ASB8: variants seen among roughly 807,000 people sequenced by gnomAD.
The protein encoded by ASB8 is ankyrin repeat and SOCS box containing 8.
In ASB8, 15 loss-of-function variants were observed where a neutral mutation model predicts 22.9. That is an observed-to-expected ratio of 0.66 (90% CI 0.44 to 1.01). The LOEUF is 1.01. Among genes scored for constraint, ASB8 ranks in the 50% least tolerant of loss-of-function variants. The pLI, the probability that ASB8 is intolerant of heterozygous loss-of-function variation, is 0.00. For synonymous variants in ASB8, 124 were observed against 140.8 expected (o/e 0.88, Z 0.84); for missense variants, 294 against 356.9 (o/e 0.82, Z 1.42).
intron 1 of ASB8, among the ~76,000 whole-genome samples, chr12:48,156,284 T>C (rs1312266344): frequency 6.6e-6 from 1 of 152,248 alleles, no homozygotes; most frequent in Non-Finnish European, 1.5e-5. Flanking sequence ...CTTGTTTATA[T>C]GTCTCTATGA....
At chr12:48,152,335 T>G (rs988558926) in intron 2 of ASB8, among the ~76,000 whole-genome samples, 1 of 152,176 alleles carries the variant, frequency 6.6e-6, no homozygotes, top group Non-Finnish European at 1.5e-5. Flanking sequence ...CCAATAACTC[T>G]GAAGCAGCTA....
intron 2 of ASB8, 30 bp downstream of exon 2, chr12:48,153,338 G>A (rs531211168): frequency 1.2e-6 from 2 of 1,611,906 alleles, no homozygotes; most frequent in South Asian, 1.1e-5. Context: ...CATATCGCAA[G>A]GACTCTCCTG....
rs1237452788 is a variant in ASB8, at chr12:48,147,974, A to AT, written c.*1391dup. The AT allele has an allele frequency of 1.3e-5, 2 of 152,110 alleles. No individual in the cohort carries two copies. Among genetic ancestry groups the AT allele is most frequent in the African/African-American group, 2.4e-5 (1 of 41,428 alleles). 9.4% of individuals were successfully genotyped at this position (152,110 alleles called of 1,614,324 possible). Reference sequence around the variant, plus strand: ...TTTGCATACAAGTCATCTAAAATCAATAACAACTTGATCTAATTTAGAAAA... The same window carrying AT: ...TTTGCATACAAGTCATCTAAAATCAATTAACAACTTGATCTAATTTAGAAAA... On this transcript the variant is annotated 3_prime_UTR_variant, in exon 4 of 4. Transcript: ENST00000317697.
At chr12:48,155,678 T>C (rs1258343803) in intron 1 of ASB8, among the ~76,000 whole-genome samples, 1 of 141,732 alleles carries the variant, frequency 7.1e-6, no homozygotes, top group Non-Finnish European at 1.5e-5. Flanking sequence ...TGCAGTGAGC[T>C]GAGATCGCGC....
intron 1 of ASB8, among the ~76,000 whole-genome samples, chr12:48,154,095 G>A (rs1346190068): frequency 6.6e-6 from 1 of 152,216 alleles, no homozygotes; most frequent in Non-Finnish European, 1.5e-5. Context: ...ATTGTTATGT[G>A]TGAAAAGAGA....
At chr12:48,156,407 A>AT (rs1257280404) in intron 1 of ASB8, among the ~76,000 whole-genome samples, 3 of 152,160 alleles carry the variant, frequency 2.0e-5, no homozygotes, top group Admixed American at 6.6e-5. Flanking sequence ...GGAAAAAAAA[A>AT]GACAAGTGCA....
rs562513313 is a variant in ASB8 at position 48,157,472 on chromosome 12, T to A, written c.-47A>T. 1 of 151,936 alleles carries A rather than the reference T, an allele frequency of 6.6e-6. No homozygotes were observed. Among genetic ancestry groups the A allele is most frequent in the South Asian group, 2.1e-4 (1 of 4,834 alleles). 9.4% of individuals were successfully genotyped at this position (151,936 alleles called of 1,614,324 possible). A position where few individuals can be genotyped will look rare whatever the true frequency, so the allele number is the denominator to read the frequency against. ...GACCGCACTCACCGAATTGCTGGGC[T>A]GAGGTGGGGGTTGAAAGCCGCTGTC... On this transcript the variant is annotated 5_prime_UTR_variant, in exon 1 of 4. Coordinates refer to ENST00000317697, the MANE Select transcript of ASB8 (RefSeq NM_024095.5).
chr12:48,156,113 A>T (rs1186793898), intron 1 of ASB8, among the ~76,000 whole-genome samples: 1 of 152,056 alleles, frequency 6.6e-6, no homozygotes, highest in East Asian at 1.9e-4. Flanking sequence ...CCCTTTATAT[A>T]TTATATACTA....
intron 1 of ASB8, 133 bp from the exon 2 acceptor site, chr12:48,153,662 A>C: frequency 4.6e-6 from 3 of 652,642 alleles, no homozygotes; most frequent in Non-Finnish European, 7.4e-6. Context: ...CATAATCATA[A>C]GGAATTGGAT....
chr12:48,156,456 A>G (rs1392803172), intron 1 of ASB8, among the ~76,000 whole-genome samples: 1 of 152,076 alleles, frequency 6.6e-6, no homozygotes, highest in Admixed American at 6.5e-5. Flanking sequence ...CAGAAGACAG[A>G]GCATCTAAAG....
Position 48,148,197 on chromosome 12 carries a change from GGGAAT to G in ASB8, c.*1164_*1168del, listed in dbSNP as rs1951131520. 6.6e-6 allele frequency: 1 copy of G among 152,226 alleles called. No homozygotes were observed. The highest frequency in any genetic ancestry group is 2.4e-5 in the African/African-American group (1 of 41,448). The allele number at this position is 152,226 out of a possible 1,614,324, so 9.4% of individuals were successfully genotyped here. A position where few individuals can be genotyped will look rare whatever the true frequency, so the allele number is the denominator to read the frequency against. The stretch of plus-strand genomic sequence containing the variant: ...AACTAAGCAGAGTGAACTTTCCATT[GGGAAT>G]GAAGACCCATGGGAAAAGGCAGCCC... On this transcript the variant is annotated 3_prime_UTR_variant, in exon 4 of 4. Transcript: ENST00000317697.
rs895017626 is a variant in ASB8, at chr12:48,148,972, T to C, written c.*394A>G. On this transcript the variant is annotated 3_prime_UTR_variant, in exon 4 of 4. Transcript: ENST00000317697. ...AGCCACCATGGCTGGCCTAAAATGC[T>C]TTCTAGAAGGGATTCTTCTGGACCG... 1 of 186,558 alleles carries C rather than the reference T, an allele frequency of 5.4e-6. No homozygotes were observed. The highest frequency in any genetic ancestry group is 2.4e-5 in the African/African-American group (1 of 41,934). The allele number at this position is 186,558 out of a possible 1,614,324, so 11.6% of individuals were successfully genotyped here. A position where few individuals can be genotyped will look rare whatever the true frequency, so the allele number is the denominator to read the frequency against.
Position 48,148,993 on chromosome 12 carries a change from G to A in ASB8, c.*373C>T, listed in dbSNP as rs1328963650. On this transcript the variant is annotated 3_prime_UTR_variant, in exon 4 of 4. Transcript: ENST00000317697. ...ATGCTTTCTAGAAGGGATTCTTCTG[G>A]ACCGTTAACCACGTCCCCAAAGGAA... The A allele has an allele frequency of 4.1e-6, 1 of 241,552 alleles. No homozygotes were observed. The highest frequency in any genetic ancestry group is 8.1e-6 in the Non-Finnish European group (1 of 123,284). The allele number at this position is 241,552 out of a possible 1,614,324, so 15.0% of individuals were successfully genotyped here.
At chr12:48,151,648 T>A in intron 2 of ASB8, 1 of 1,366,288 alleles carries the variant, frequency 7.3e-7, no homozygotes, top group Non-Finnish European at 9.6e-7. Context: ...GCAATCCACT[T>A]TCTATGGCCA....
At chr12:48,150,732 T>C (rs1170581518) in intron 3 of ASB8, among the ~76,000 whole-genome samples, 2 of 152,238 alleles carry the variant, frequency 1.3e-5, no homozygotes, top group East Asian at 1.9e-4. Context: ...AAATTCAACC[T>C]TTTATTTGGC....
Position 48,149,357 on chromosome 12 carries a change from C to A in ASB8, c.*9G>T. The A allele has an allele frequency of 6.2e-7, 1 of 1,610,516 alleles. No individual in the cohort carries two copies. On this transcript the variant is annotated 3_prime_UTR_variant, in exon 4 of 4. Transcript: ENST00000317697. ...GCTGCCTGCACGATGGTGCAAACATCTTCTCCGGCTATTCTAAAAGTAACA... is the reference window on the plus strand; with the variant it reads ...GCTGCCTGCACGATGGTGCAAACATATTCTCCGGCTATTCTAAAAGTAACA...
intron 2 of ASB8, among the ~76,000 whole-genome samples, chr12:48,152,145 C>T (rs375802666): frequency 3.2e-5 from 4 of 126,086 alleles, no homozygotes; most frequent in Admixed American, 8.6e-5. Flanking sequence ...AGCGAAACTC[C>T]GTCTCAAAAA....
chr12:48,149,060 G>T lies in ASB8; in HGVS notation c.*306C>A. On this transcript the variant is annotated 3_prime_UTR_variant, in exon 4 of 4. Transcript: ENST00000317697. The stretch of plus-strand genomic sequence containing the variant: ...TTTAAGTACTTTCCATCTTCCTAGA[G>T]AAATTTAGTTACACTGTTGACTCCT... 1 of 367,598 alleles carries T rather than the reference G, an allele frequency of 2.7e-6. No homozygotes were observed. Among genetic ancestry groups the T allele is most frequent in the Non-Finnish European group, 4.9e-6 (1 of 203,134 alleles). 22.8% of individuals were successfully genotyped at this position (367,598 alleles called of 1,614,324 possible).
At chr12:48,152,115 G>T (rs1229617239) in intron 2 of ASB8, among the ~76,000 whole-genome samples, 2 of 149,396 alleles carry the variant, frequency 1.3e-5, no homozygotes, top group Admixed American at 6.7e-5. Flanking sequence ...TCGCGCCATT[G>T]CACTCCAGCC....
Sources: allele counts gnomAD v4.1 joint callset (sites outside exome capture counted in the v4.1 genomes callset), GRCh38; gene constraint gnomAD v4.1.1; transcripts MANE v1.5; gene names NCBI Gene and HGNC (gene_info 2026-07-23, HGNC 2026-07-21).